Variants in SPPL2B observed in about 807,000 individuals in gnomAD.
The protein encoded by SPPL2B is signal peptide peptidase-like 2B.
A neutral mutation model predicts 59.7 loss-of-function variants in SPPL2B; 39 were observed. That is an observed-to-expected ratio of 0.65 (90% CI 0.51 to 0.85). The LOEUF (loss-of-function observed/expected upper bound fraction) is 0.85. Among genes scored for constraint, SPPL2B ranks in the 40% least tolerant of loss-of-function variants. The pLI, the probability that SPPL2B is intolerant of heterozygous loss-of-function variation, is 0.00. For missense variants in SPPL2B, 865 were observed against 849.0 expected (o/e 1.02, Z -0.23); for synonymous variants, 419 against 370.8 (o/e 1.13, Z -1.49).
intron 2 of SPPL2B, among the ~76,000 whole-genome samples, chr19:2,336,688 G>GTC (rs964323778): frequency 1.2e-4 from 18 of 150,696 alleles, no homozygotes; most frequent in Non-Finnish European, 1.9e-4. Flanking sequence ...CTGCTTGAGT[G>GTC]TGAGTGTGCA....
intron 2 of SPPL2B, among the ~76,000 whole-genome samples, chr19:2,335,587 C>G (rs551550626): frequency 1.3e-5 from 2 of 150,568 alleles, no homozygotes; most frequent in African/African-American, 4.9e-5. Flanking sequence ...CGCCTCCTTT[C>G]CCACCACACC....
At chr19:2,335,220 T>C (rs1450098682) in intron 2 of SPPL2B, among the ~76,000 whole-genome samples, 241 of 97,668 alleles carry the variant, frequency 2.5e-3, no homozygotes, top group Admixed American at 3.5e-3. Context: ...TCCTTTCCAC[T>C]GCATCCTTCA....
At position 2,339,967 on chromosome 19, in the gene SPPL2B, G is replaced by C. The variant is rs780847246; in HGVS notation, c.742+1G>C. 6.4e-7 allele frequency: 1 copy of C among 1,553,286 alleles called. No homozygotes were observed. The highest frequency in any genetic ancestry group is 8.7e-7 in the Non-Finnish European group (1 of 1,147,748). On this transcript the variant is annotated splice_donor_variant, in intron 6 of 14. Transcript: ENST00000613503. LOFTEE classifies it high-confidence loss of function. The stretch of plus-strand genomic sequence containing the variant: ...CTCTACTATTTCTACGATCTCCTCG[G>C]TGCGCGGCCCCGGGCGGGTGGGCCG...
chr19:2,340,315 G>A, intron 7 of SPPL2B, 143 bp downstream of exon 7: 1 of 707,122 alleles, frequency 1.4e-6, no homozygotes, highest in Non-Finnish European at 2.3e-6. Flanking sequence ...GGGGCTCCTA[G>A]GCCCAGGAGC....
At chr19:2,352,119 T>C (rs1231158631) in intron 14 of SPPL2B, among the ~76,000 whole-genome samples, 1 of 152,174 alleles carries the variant, frequency 6.6e-6, no homozygotes, top group Admixed American at 6.5e-5. Flanking sequence ...AAACGTGAGA[T>C]GCAGGGAGGG....
At position 2,339,904 on chromosome 19, in the gene SPPL2B, G is replaced by A; in HGVS notation, c.680G>A (p.Cys227Tyr). Reference sequence around the variant, plus strand: ...GTGGACGTGACGCCGGTGATGACCTGCGTGTTTGTGGTGATGTGCTGCTCC... The same window carrying A: ...GTGGACGTGACGCCGGTGATGACCTACGTGTTTGTGGTGATGTGCTGCTCC... ...EAVDVTPVMT[C>Y]VFVVMCCSML... The change falls in exon 6 of 15, where the codon TGC (cysteine) becomes TAC (tyrosine). Residue 227 changes from cysteine (C) to tyrosine (Y), a missense_variant. Coordinates refer to ENST00000613503, the MANE Select transcript of SPPL2B (RefSeq NM_152988.3). 6.3e-7 allele frequency: 1 copy of A among 1,579,684 alleles called. No homozygotes were observed. The highest frequency in any genetic ancestry group is 1.2e-5 in the South Asian group (1 of 86,392).
chr19:2,351,568 G>T lies in SPPL2B; in HGVS notation c.1489G>T (p.Val497Leu). The change falls in exon 14 of 15, where the codon GTG becomes TTG. Residue 497 changes from valine (V) to leucine (L), a missense_variant. Val to Leu is a conservative substitution (Grantham distance 32, BLOSUM62 1). Coordinates refer to ENST00000613503, the MANE Select transcript of SPPL2B (RefSeq NM_152988.3). The stretch of plus-strand genomic sequence containing the variant: ...GGCGCTCTGGCGCCGGGAGCTGGGC[G>T]TGTTCTGGACGGGCAGCGGCTTTGC... ...AVALWRRELG[V>L]FWTGSGFAKV... The T allele has an allele frequency of 1.2e-6, 2 of 1,611,244 alleles. No individual in the cohort carries two copies. The highest frequency in any genetic ancestry group is 8.5e-7 in the Non-Finnish European group (1 of 1,179,172).
chr19:2,353,150 T>A lies in SPPL2B; in HGVS notation c.1720T>A (p.Ser574Thr). 1 of 1,609,874 alleles carries A rather than the reference T, an allele frequency of 6.2e-7. No homozygotes were observed. Among genetic ancestry groups the A allele is most frequent in the Non-Finnish European group, 8.5e-7 (1 of 1,179,058 alleles). The change falls in exon 15 of 15, where the codon TCC becomes ACC. Residue 574 changes from serine to threonine, a missense_variant. Coordinates refer to ENST00000613503, the MANE Select transcript of SPPL2B (RefSeq NM_152988.3). ...GCGGGAGCCTGGGAGCCCAGCTGAA[T>A]CCGAGGGCCGGGACCAGGCCCAGCC... Reference protein sequence around the residue: ...PMREPGSPAESEGRDQAQPSP... With the variant: ...PMREPGSPAETEGRDQAQPSP...
intron 1 of SPPL2B, chr19:2,330,722 G>C (rs567360980): frequency 6.6e-6 from 1 of 152,652 alleles, no homozygotes; most frequent in Non-Finnish European, 1.5e-5. Context: ...TGAAGGCAGA[G>C]CATTCAGCCT....
At chr19:2,337,199 CAG>C (rs1491459553) in intron 2 of SPPL2B, 27 of 417,204 alleles carry the variant, frequency 6.5e-5, no homozygotes, top group East Asian at 1.2e-4. Flanking sequence ...GCTCAGGTAT[CAG>C]GGGACAGCCA....
intron 8 of SPPL2B, chr19:2,342,970 C>G: frequency 1.8e-6 from 1 of 549,008 alleles, no homozygotes; most frequent in Non-Finnish European, 3.3e-6. Context: ...GTGGTGGGCT[C>G]CTCTACCTGC....
chr19:2,328,789 C>A lies in SPPL2B; in HGVS notation c.66+14C>A. On this transcript the variant is annotated intron_variant, in intron 1 of 14. Transcript: ENST00000613503. ...CTCGCGGCCCAGGTGAGCGCGGCACCGGTCCCGACGGCACCGCGGGCTGCG... is the reference window on the plus strand; with the variant it reads ...CTCGCGGCCCAGGTGAGCGCGGCACAGGTCCCGACGGCACCGCGGGCTGCG... 7.2e-7 allele frequency: 1 copy of A among 1,385,426 alleles called. No individual in the cohort carries two copies. Among genetic ancestry groups the A allele is most frequent in the Admixed American group, 3.7e-5 (1 of 26,974 alleles). The allele number at this position is 1,385,426 out of a possible 1,614,324, so 85.8% of individuals were successfully genotyped here. A position where few individuals can be genotyped will look rare whatever the true frequency, so the allele number is the denominator to read the frequency against.
chr19:2,336,400 G>C (rs1043639313), intron 2 of SPPL2B, among the ~76,000 whole-genome samples: 3 of 152,110 alleles, frequency 2.0e-5, no homozygotes, highest in Non-Finnish European at 4.4e-5. Flanking sequence ...CTGTGTGTAT[G>C]TGTGTGTACA....
intron 14 of SPPL2B, among the ~76,000 whole-genome samples, chr19:2,352,395 G>T (rs8104896): frequency 0.24 from 36,311 of 152,176 alleles, 5,060 homozygotes; most frequent in East Asian, 0.66. Context: ...GAGATGCCGC[G>T]CTTCTCAGCG....
rs1968340174 is a variant in SPPL2B at position 2,332,537 on chromosome 19, G to A, written c.67-2065G>A. On this transcript the variant is annotated intron_variant, in intron 1 of 14. Transcript: ENST00000613503. This position sits in a 1 kb window ranked among gnomAD's most constrained non-coding sequence, Gnocchi z 4.6. Reference sequence around the variant, plus strand: ...TGGCTGCCATCCTGTTCCTGATGAGGCAAATGGCTGTGGCCTGTTTGTTTC... The same window carrying A: ...TGGCTGCCATCCTGTTCCTGATGAGACAAATGGCTGTGGCCTGTTTGTTTC... Among the ~76,000 whole-genome samples, 1 of 152,228 alleles carries A rather than the reference G, an allele frequency of 6.6e-6. No homozygotes were observed. Among genetic ancestry groups the A allele is most frequent in the Non-Finnish European group, 1.5e-5 (1 of 68,044 alleles).
chr19:2,344,081 C>A (rs1311782382), intron 10 of SPPL2B, 42 bp downstream of exon 10: 9 of 1,309,566 alleles, frequency 6.9e-6, no homozygotes, highest in South Asian at 2.6e-5. Flanking sequence ...TCACCCCGCT[C>A]CCCCGCCCCC....
chr19:2,348,452 G>A (rs1316265372), intron 13 of SPPL2B, among the ~76,000 whole-genome samples: 8 of 103,460 alleles, frequency 7.7e-5, no homozygotes, highest in African/African-American at 2.8e-4. Flanking sequence ...ACACACTCAT[G>A]CGCTGTCATT....
chr19:2,351,047 G>A (rs1969899234), intron 13 of SPPL2B, among the ~76,000 whole-genome samples: 1 of 152,208 alleles, frequency 6.6e-6, no homozygotes, highest in African/African-American at 2.4e-5. Context: ...AGGCACATGT[G>A]TCACCTTCGG....
Position 2,339,116 on chromosome 19 carries a change from G to A in SPPL2B, c.507G>A (p.Pro169=), listed in dbSNP as rs73520586. The change falls in exon 5 of 15, where the codon CCG becomes CCA. Residue 169 remains proline (P), a synonymous_variant. Transcript: ENST00000613503. ...VRAALYAPKE[P]VLDYNMVIIF... ...CGGCGCTGTATGCGCCTAAGGAGCCGGTGCTGGACTACAACATGGTCATCA... is the reference window on the plus strand; with the variant it reads ...CGGCGCTGTATGCGCCTAAGGAGCCAGTGCTGGACTACAACATGGTCATCA... The A allele has an allele frequency of 0.013, 20,288 of 1,580,324 alleles. 2,148 individuals are homozygous for A. In the African/African-American group the frequency reaches 0.23, roughly 18 times the overall value.
Sources: allele counts gnomAD v4.1 joint callset (sites outside exome capture counted in the v4.1 genomes callset), GRCh38; gene constraint gnomAD v4.1.1; non-coding constraint Gnocchi (gnomAD v3.1); transcripts MANE v1.5; gene names NCBI Gene and HGNC (gene_info 2026-07-23, HGNC 2026-07-21).